Variants in POU2F2 observed in about 807,000 individuals in gnomAD.
The protein encoded by POU2F2 is POU domain, class 2, transcription factor 2.
A neutral mutation model predicts 63.5 loss-of-function variants in POU2F2; 14 were observed. That is an observed-to-expected ratio of 0.22 (90% confidence interval 0.15 to 0.34). POU2F2 has a LOEUF of 0.34. Ranked by LOEUF, POU2F2 falls within the 10% of genes least tolerant of loss-of-function variation. The pLI, the probability that POU2F2 is intolerant of heterozygous loss-of-function variation, is 1.00. For synonymous variants in POU2F2, 306 were observed against 348.6 expected (o/e 0.88, Z 1.36); for missense variants, 607 against 815.2 (o/e 0.74, Z 3.11).
upstream of POU2F2, among the ~76,000 whole-genome samples, chr19:42,176,584 A>T (rs1411520207): frequency 6.8e-6 from 1 of 147,652 alleles, no homozygotes; most frequent in Admixed American, 6.7e-5. Flanking sequence ...TCCTTTCCTC[A>T]TCCTTCTTGC....
upstream of POU2F2, among the ~76,000 whole-genome samples, chr19:42,196,915 G>A (rs923861318): frequency 6.6e-6 from 1 of 152,242 alleles, no homozygotes; most frequent in Non-Finnish European, 1.5e-5. Flanking sequence ...GGTTAAGGGG[G>A]AGGTGACCCA....
upstream of POU2F2, chr19:42,176,030 C>T (rs1472573527): frequency 6.6e-6 from 1 of 151,416 alleles, no homozygotes; most frequent in African/African-American, 2.4e-5. Context: ...ATATCCTCAC[C>T]ATCATCGTAC....
In POU2F2 at chr19:42,092,660, G is replaced by T. The variant is rs935534952; in HGVS notation, c.1265-390C>A. On this transcript the variant is annotated intron_variant, in intron 12 of 14. Coordinates refer to ENST00000692977, the MANE Select transcript of POU2F2 (RefSeq NM_001394376.1). The surrounding 1 kb of genome is among the most constrained non-coding windows in gnomAD (Gnocchi z 5.0). ...GATGGGCAACCTGGCAGGGGCTGAG[G>T]GCCCAGACTCAGCCAGACTGCTGGG... 3.0e-4 allele frequency among the ~76,000 whole-genome samples: 46 copies of T among 152,070 alleles called. No individual in the cohort carries two copies. The highest frequency in any genetic ancestry group is 1.1e-3 in the African/African-American group (46 of 41,478).
chr19:42,120,377 T>C (rs1299387985), intron 4 of POU2F2, among the ~76,000 whole-genome samples: 1 of 152,008 alleles, frequency 6.6e-6, no homozygotes, highest in Non-Finnish European at 1.5e-5. Context: ...CTCACCACCA[T>C]GCCCGGCTAA....
upstream of POU2F2, among the ~76,000 whole-genome samples, chr19:42,197,631 T>C (rs1197654429): frequency 1.3e-5 from 2 of 151,822 alleles, no homozygotes; most frequent in Non-Finnish European, 2.9e-5. Flanking sequence ...AGCCCTTACA[T>C]GAGGGGTGGG....
At chr19:42,115,748 C>A (rs1951495027) in intron 5 of POU2F2, among the ~76,000 whole-genome samples, 1 of 152,110 alleles carries the variant, frequency 6.6e-6, no homozygotes. Flanking sequence ...AATTGTGTCC[C>A]CAAAAAGATA....
Position 42,091,341 on chromosome 19 carries a change from G to A in POU2F2, c.1791C>T (p.Ser597=), listed in dbSNP as rs746047346. 636 of 1,535,758 alleles carry A rather than the reference G, an allele frequency of 4.1e-4. 1 individual carries two copies. The highest frequency in any genetic ancestry group is 3.8e-4 in the Non-Finnish European group (431 of 1,146,790). Residue 597 remains serine, a synonymous_variant, in exon 15 of 15, where the codon TCC becomes TCT. Transcript: ENST00000692977. ...TCTCGCTGCAAGTGGAGGAGGAGGA[G>A]GATGAGGATGAAGAGGATGAGGAGG... ...GLSSSSSSSS[S]SSSSTCSETA... is the part of the protein sequence containing the mutation.
intron 1 of POU2F2, among the ~76,000 whole-genome samples, chr19:42,192,958 C>T (rs974723398): frequency 2.0e-5 from 3 of 151,918 alleles, no homozygotes; most frequent in African/African-American, 7.3e-5. Flanking sequence ...CGGTGGCTCA[C>T]GCCTGTAATC....
intron 5 of POU2F2, among the ~76,000 whole-genome samples, chr19:42,116,359 T>C (rs1340843887): frequency 1.3e-5 from 2 of 152,170 alleles, no homozygotes; most frequent in African/African-American, 4.8e-5. Context: ...ACCCACATGG[T>C]ACCATTCACG....
intron 5 of POU2F2, among the ~76,000 whole-genome samples, chr19:42,105,251 G>A (rs892406802): frequency 6.6e-6 from 1 of 152,126 alleles, no homozygotes; most frequent in African/African-American, 2.4e-5. Context: ...CACCTGCCCT[G>A]TGCTACACGT....
chr19:42,146,046 A>AAAG (rs1555730721), intron 2 of POU2F2, among the ~76,000 whole-genome samples: 4 of 150,586 alleles, frequency 2.7e-5, no homozygotes, highest in Non-Finnish European at 5.9e-5. Flanking sequence ...AAAAAAAAAA[A>AAAG]AAAAAAGAAA....
upstream of POU2F2, among the ~76,000 whole-genome samples, chr19:42,197,641 G>C (rs565619509): frequency 6.6e-6 from 1 of 152,278 alleles, no homozygotes; most frequent in Non-Finnish European, 1.5e-5. Flanking sequence ...TGAGGGGTGG[G>C]GGAAGGGCAG....
chr19:42,119,259 C>G (rs549681101), intron 4 of POU2F2, among the ~76,000 whole-genome samples: 4 of 152,106 alleles, frequency 2.6e-5, no homozygotes, highest in Non-Finnish European at 4.4e-5. Flanking sequence ...GAAGGCTGGT[C>G]GTGCTCTGCT....
upstream of POU2F2, among the ~76,000 whole-genome samples, chr19:42,177,599 C>T (rs559172241): frequency 1.2e-4 from 18 of 151,664 alleles, no homozygotes; most frequent in Admixed American, 4.6e-4. Flanking sequence ...GAAGGGGACA[C>T]GGAGACAAGG....
intron 1 of POU2F2, among the ~76,000 whole-genome samples, chr19:42,172,749 T>C (rs979921435): frequency 6.6e-6 from 1 of 152,104 alleles, no homozygotes; most frequent in Admixed American, 6.6e-5. Context: ...CCCTTCAGGA[T>C]ATAAAGCGAG....
chr19:42,095,476 G>T lies in POU2F2; in HGVS notation c.1021-14C>A, dbSNP rs1441020136. ...AGGCTTCTGGTTCTGCAGGCAGAGG[G>T]CTCGTTAGCCCGAGGCCCACCGCCC... On this transcript the variant is annotated splice_polypyrimidine_tract_variant and intron_variant, in intron 10 of 14. Transcript: ENST00000692977. The surrounding 1 kb of genome is among the most constrained non-coding windows in gnomAD (Gnocchi z 7.1). The T allele has an allele frequency of 2.5e-6, 4 of 1,610,886 alleles. No individual in the cohort carries two copies. Among genetic ancestry groups the T allele is most frequent in the Non-Finnish European group, 3.4e-6 (4 of 1,179,130 alleles).
At chr19:42,123,637 G>C (rs553011822) in intron 1 of POU2F2, among the ~76,000 whole-genome samples, 1 of 152,154 alleles carries the variant, frequency 6.6e-6, no homozygotes, top group Non-Finnish European at 1.5e-5. Context: ...CTTCATGACT[G>C]CTGGGCTCCT....
chr19:42,091,629 C>A, intron 14 of POU2F2, 38 bp from the exon 15 acceptor site: 1 of 1,540,952 alleles, frequency 6.5e-7, no homozygotes, highest in Non-Finnish European at 8.8e-7. Flanking sequence ...AAGGGCATGC[C>A]GGGCCAGGGG....
chr19:42,153,523 C>G lies in POU2F2; in HGVS notation c.-9+6809G>C, dbSNP rs2034395771. On this transcript the variant is annotated intron_variant, in intron 2 of 6. Coordinates refer to the POU2F2 transcript ENST00000524801. The surrounding 1 kb of genome is among the most constrained non-coding windows in gnomAD (Gnocchi z 5.6). Reference sequence around the variant, plus strand: ...GAGCACGGATGCTGCTGTGCGTGAGCCTCCATGGGTCCCGTGTGGATCTGT... The same window carrying G: ...GAGCACGGATGCTGCTGTGCGTGAGGCTCCATGGGTCCCGTGTGGATCTGT... 6.6e-6 allele frequency among the ~76,000 whole-genome samples: 1 copy of G among 152,144 alleles called. No individual in the cohort carries two copies. Among genetic ancestry groups the G allele is most frequent in the East Asian group, 1.9e-4 (1 of 5,186 alleles).
Sources: gnomAD v4.1 joint callset for allele counts (sites outside exome capture counted in the v4.1 genomes callset) on GRCh38, gnomAD v4.1.1 for gene constraint, Gnocchi (gnomAD v3.1) non-coding constraint, MANE v1.5 for transcripts, NCBI Gene and HGNC (gene_info 2026-07-23, HGNC 2026-07-21) for gene names.